BLMH: variants seen among roughly 807,000 people sequenced by gnomAD.
BLMH encodes bleomycin hydrolase, also known as BLM hydrolase.
BLMH carries 32 observed loss-of-function variants against 61.6 expected under a neutral mutation model. The ratio of observed to expected loss-of-function variants is 0.52; its 90% CI spans 0.39 to 0.70. The LOEUF (loss-of-function observed/expected upper bound fraction) is 0.70, where lower values mean the gene tolerates loss of function less well. Among genes scored for constraint, BLMH ranks in the 30% least tolerant of loss-of-function variants. The pLI is 0.00. For synonymous variants in BLMH, 183 were observed against 193.8 expected (o/e 0.94, Z 0.46); for missense variants, 460 against 555.5 (o/e 0.83, Z 1.73).
chr17:30,287,038 G>A (rs1418611275), intron 4 of BLMH, 136 bp from the exon 5 acceptor site: 7 of 638,218 alleles, frequency 1.1e-5, no homozygotes, highest in Admixed American at 5.9e-5. Flanking sequence ...TATGAAGCAG[G>A]GTTTTTTGTT....
At position 30,291,926 on chromosome 17, in the gene BLMH, C is replaced by T; in HGVS notation, c.-107G>A. 3.3e-6 allele frequency: 4 copies of T among 1,204,726 alleles called. No homozygotes were observed. The highest frequency in any genetic ancestry group is 4.0e-5 in the Admixed American group (1 of 25,020). 74.6% of individuals were successfully genotyped at this position (1,204,726 alleles called of 1,614,324 possible). ...TAGGGGGCCCGACCTGTCTCTCGCA[C>T]CCGGAGCGCCGGAAAAAGGAAACCG... On this transcript the variant is annotated 5_prime_UTR_variant, in exon 1 of 12. In the 5' UTR this introduces an upstream ATG that the reference lacks. Coordinates refer to ENST00000261714, the MANE Select transcript of BLMH (RefSeq NM_000386.4).
In BLMH at chr17:30,272,856, T is replaced by C; in HGVS notation, c.845A>G (p.Lys282Arg). ...GCTTAAGTATTCCACTGTGTAAAGT[T>C]TGTTGTACTTGTGCTGGGGCCTAGG... is the stretch of plus-strand genomic sequence containing the variant. ...NDPRPQHKYN[K>R]LYTVEYLSNM... is the part of the protein sequence containing the mutation. The change falls in exon 8 of 12, where the codon AAA becomes AGA. Residue 282 changes from lysine to arginine, a missense_variant. Physicochemically the swap from Lys to Arg is conservative, Grantham distance 26. Transcript: ENST00000261714. The C allele has an allele frequency of 1.2e-6, 2 of 1,614,152 alleles. No homozygotes were observed.
At chr17:30,288,020 A>T (rs1317488333) in intron 3 of BLMH, 73 bp from the exon 4 acceptor site, 15 of 1,415,074 alleles carry the variant, frequency 1.1e-5, no homozygotes, top group East Asian at 2.4e-5. Flanking sequence ...TATCAACAGA[A>T]TGGGAGTCTT....
intron 11 of BLMH, among the ~76,000 whole-genome samples, chr17:30,264,359 C>T (rs1424501349): frequency 6.6e-6 from 1 of 152,178 alleles, no homozygotes; most frequent in Non-Finnish European, 1.5e-5. Context: ...ACAGGGATAG[C>T]AAGATCCCAT....
rs1567840429 is a variant in BLMH, at chr17:30,289,380, C to CA, written c.313dup (p.Trp105LeufsTer5). 1.3e-6 allele frequency: 2 copies of CA among 1,598,526 alleles called. No individual in the cohort carries two copies. The highest frequency in any genetic ancestry group is 1.3e-5 in the African/African-American group (1 of 74,412). On this transcript the variant is annotated frameshift_variant, in exon 3 of 12. Coordinates refer to ENST00000261714, the MANE Select transcript of BLMH (RefSeq NM_000386.4). LOFTEE classifies it high-confidence loss of function. Reference sequence around the variant, plus strand: ...GCCAGATCTGTCCCATACCTTGTCCCAAAAAAACAGGTAAGATTGGCTAAA... The same window carrying CA: ...GCCAGATCTGTCCCATACCTTGTCCCAAAAAAAACAGGTAAGATTGGCTAAA...
At chr17:30,256,615 C>G (rs185394574) in intron 11 of BLMH, among the ~76,000 whole-genome samples, 1 of 152,140 alleles carries the variant, frequency 6.6e-6, no homozygotes, top group African/African-American at 2.4e-5. Context: ...CAGGCGTAAG[C>G]CATCGTGCCC....
At chr17:30,266,245 A>G (rs1908101617) in intron 11 of BLMH, among the ~76,000 whole-genome samples, 1 of 152,128 alleles carries the variant, frequency 6.6e-6, no homozygotes, top group South Asian at 2.1e-4. Flanking sequence ...AAATACATCA[A>G]GGCTGGGCGC....
intron 10 of BLMH, among the ~76,000 whole-genome samples, chr17:30,267,588 C>T (rs933162911): frequency 4.6e-5 from 7 of 152,078 alleles, no homozygotes; most frequent in African/African-American, 1.7e-4. Context: ...TAAACAAAAG[C>T]CAGGCACTTC....
At chr17:30,254,804 T>A (rs1907769152) in intron 11 of BLMH, among the ~76,000 whole-genome samples, 1 of 152,198 alleles carries the variant, frequency 6.6e-6, no homozygotes, top group Admixed American at 6.5e-5. Flanking sequence ...TTGGGACACA[T>A]GTTCAAGCTC....
rs1418015459 is a variant in BLMH, at chr17:30,272,612, C to G, written c.977G>C (p.Cys326Ser). 2 of 1,614,048 alleles carry G rather than the reference C, an allele frequency of 1.2e-6. No homozygotes were observed. The highest frequency in any genetic ancestry group is 1.7e-6 in the Non-Finnish European group (2 of 1,180,042). Residue 326 changes from cysteine to serine, a missense_variant, in exon 9 of 12, where the codon TGT becomes TCT. Physicochemically the swap from Cys to Ser is moderately radical, Grantham distance 112. Transcript: ENST00000261714. ...IKDGEAVWFG[C>S]DVGKHFNSKL... is the part of the protein sequence containing the mutation. The stretch of plus-strand genomic sequence containing the variant: ...GCTATTGAAGTGTTTTCCAACATCA[C>G]AGCCAAACCACACAGCCTAGAAACA...
intron 10 of BLMH, among the ~76,000 whole-genome samples, chr17:30,268,918 T>C (rs951222294): frequency 1.4e-5 from 2 of 147,568 alleles, no homozygotes; most frequent in Non-Finnish European, 3.0e-5. Context: ...AGGCCGATGG[T>C]GCACGCCTGC....
intron 10 of BLMH, among the ~76,000 whole-genome samples, chr17:30,268,287 T>C (rs1908164247): frequency 1.3e-5 from 2 of 152,154 alleles, no homozygotes; most frequent in African/African-American, 2.4e-5. Context: ...TAGATCAAAT[T>C]GTTCTCTGGG....
chr17:30,248,820 C>T lies in BLMH; in HGVS notation c.*197G>A, dbSNP rs960955718. 2 of 598,002 alleles carry T rather than the reference C, an allele frequency of 3.3e-6. No homozygotes were observed. The highest frequency in any genetic ancestry group is 5.8e-6 in the Non-Finnish European group (2 of 347,518). The allele number at this position is 598,002 out of a possible 1,614,324, so 37.0% of individuals were successfully genotyped here. A position where few individuals can be genotyped will look rare whatever the true frequency, so the allele number is the denominator to read the frequency against. On this transcript the variant is annotated 3_prime_UTR_variant, in exon 12 of 12. Transcript: ENST00000261714. ...TAGATAGTATGACCTGATCTTCCCC[C>T]CTCTTTTTTTTCCTTTAACAGTATT...
Position 30,291,922 on chromosome 17 carries a change from C to A in BLMH, c.-103G>T, listed in dbSNP as rs752222029. 2.3e-4 allele frequency: 281 copies of A among 1,218,498 alleles called. No individual in the cohort carries two copies. The highest frequency in any genetic ancestry group is 2.6e-4 in the Non-Finnish European group (248 of 960,646). 75.5% of individuals were successfully genotyped at this position (1,218,498 alleles called of 1,614,324 possible). Reference sequence around the variant, plus strand: ...TGCCTAGGGGGCCCGACCTGTCTCTCGCACCCGGAGCGCCGGAAAAAGGAA... The same window carrying A: ...TGCCTAGGGGGCCCGACCTGTCTCTAGCACCCGGAGCGCCGGAAAAAGGAA... On this transcript the variant is annotated 5_prime_UTR_variant, in exon 1 of 12. Coordinates refer to ENST00000261714, the MANE Select transcript of BLMH (RefSeq NM_000386.4).
rs1357983694 is a variant in BLMH at position 30,291,808 on chromosome 17, C to T, written c.12G>A (p.Ser4=). ...CGGCGGGGGACGGCGGCACCTCACC[C>T]GAGCTGCTCATGGCGCCCACGCTGC... MSS[S]GLNSEKVAAL... Residue 4 remains serine (S), a splice_region_variant and synonymous_variant, in exon 1 of 12, where the codon TCG becomes TCA. Transcript: ENST00000261714. 3.6e-6 allele frequency: 5 copies of T among 1,386,442 alleles called. No homozygotes were observed. Among genetic ancestry groups the T allele is most frequent in the Middle Eastern group, 2.1e-4 (1 of 4,844 alleles). 85.9% of individuals were successfully genotyped at this position (1,386,442 alleles called of 1,614,324 possible). A position where few individuals can be genotyped will look rare whatever the true frequency, so the allele number is the denominator to read the frequency against.
chr17:30,279,501 A>G (rs982579753), intron 6 of BLMH, among the ~76,000 whole-genome samples: 1 of 152,220 alleles, frequency 6.6e-6, no homozygotes, highest in Non-Finnish European at 1.5e-5. Context: ...GCAACCTATA[A>G]CTAGAAAAAC....
chr17:30,289,062 A>T (rs995652547), intron 3 of BLMH, among the ~76,000 whole-genome samples: 2 of 152,216 alleles, frequency 1.3e-5, no homozygotes, highest in African/African-American at 4.8e-5. Context: ...AAGAACAAAT[A>T]ACCTAAAAAG....
chr17:30,272,501 A>G (rs1908304489), intron 9 of BLMH, 60 bp downstream of exon 9: 1 of 1,581,722 alleles, frequency 6.3e-7, no homozygotes, highest in African/African-American at 1.3e-5. Flanking sequence ...TTGTACCAAC[A>G]GCACACTCCA....
In BLMH at chr17:30,287,793, A is replaced by G; in HGVS notation, c.463+13T>C. ...ATGCTGAGTTTCAGTTCCATTAAAG[A>G]AAGAACTTTTACCAACAATATTAAC... On this transcript the variant is annotated intron_variant, in intron 4 of 11. Transcript: ENST00000261714. 6.2e-7 allele frequency: 1 copy of G among 1,613,166 alleles called. No homozygotes were observed. Among genetic ancestry groups the G allele is most frequent in the Non-Finnish European group, 8.5e-7 (1 of 1,179,602 alleles).
Sources: allele counts gnomAD v4.1 joint callset (sites outside exome capture counted in the v4.1 genomes callset), GRCh38; gene constraint gnomAD v4.1.1; transcripts MANE v1.5; gene names NCBI Gene and HGNC (gene_info 2026-07-23, HGNC 2026-07-21).